The following SLC38A6 variants were observed in gnomAD, a reference collection of about 807,000 sequenced individuals.
The protein encoded by SLC38A6 is N system amino acid transporter NAT-1.
In SLC38A6, 73 loss-of-function variants were observed where a neutral mutation model predicts 65.0. That is an observed-to-expected ratio of 1.12 (90% CI 0.93 to 1.37). SLC38A6 has a LOEUF of 1.37. Ranked by LOEUF, SLC38A6 falls within the 40% of genes most tolerant of loss-of-function variation. The probability of loss-of-function intolerance (pLI) is 0.00; values close to 1 mark genes in which losing one functional copy is unlikely to be tolerated. For synonymous variants in SLC38A6, 183 were observed against 178.8 expected (o/e 1.02, Z -0.19); for missense variants, 561 against 531.1 (o/e 1.06, Z -0.55).
At chr14:61,074,632 AG>A (rs1452024321) in intron 15 of SLC38A6, among the ~76,000 whole-genome samples, 1 of 152,102 alleles carries the variant, frequency 6.6e-6, no homozygotes, top group Non-Finnish European at 1.5e-5. Flanking sequence ...GAGGGGTTGG[AG>A]GAGACACAAT....
intron 3 of SLC38A6, among the ~76,000 whole-genome samples, chr14:61,009,021 G>C (rs555766182): frequency 6.6e-6 from 1 of 152,240 alleles, no homozygotes; most frequent in East Asian, 1.9e-4. Flanking sequence ...AATGTGCTAA[G>C]CTTTACCTAT....
At position 61,037,552 on chromosome 14, in the gene SLC38A6, G is replaced by A. The variant is rs967031939; in HGVS notation, c.566-73G>A. The A allele has an allele frequency of 3.9e-6, 4 of 1,036,070 alleles. No individual in the cohort carries two copies. In the African/African-American group the frequency reaches 6.5e-5, roughly 17 times the overall value. The allele number at this position is 1,036,070 out of a possible 1,614,324, so 64.2% of individuals were successfully genotyped here. A position where few individuals can be genotyped will look rare whatever the true frequency, so the allele number is the denominator to read the frequency against. On this transcript the variant is annotated intron_variant, in intron 7 of 15. Transcript: ENST00000267488. ...CCACTATAATAGAAAACATGCCTAA[G>A]ATGTATAGCTTTAGTTGTACGTTAA...
intron 15 of SLC38A6, among the ~76,000 whole-genome samples, chr14:61,072,271 A>G (rs912803116): frequency 5.3e-5 from 8 of 152,118 alleles, no homozygotes; most frequent in Non-Finnish European, 1.0e-4. Context: ...GTAGGTGTAT[A>G]TATTTATGGA....
chr14:61,072,544 C>T (rs1432490131), intron 15 of SLC38A6, among the ~76,000 whole-genome samples: 1 of 152,196 alleles, frequency 6.6e-6, no homozygotes, highest in African/African-American at 2.4e-5. Flanking sequence ...CCTTGTCAGC[C>T]TCTGGTAACC....
chr14:61,013,088 T>A (rs1315496197), intron 3 of SLC38A6, among the ~76,000 whole-genome samples: 3 of 152,194 alleles, frequency 2.0e-5, no homozygotes, highest in Non-Finnish European at 4.4e-5. Flanking sequence ...TGCATATATA[T>A]TTAGGATAGT....
rs563093308 is a variant in SLC38A6, at chr14:61,077,637, C to A, written c.1291-1173C>A. ...TCCTTGTCTTTGTCTAAAGATTTGT[C>A]ATTCATTTGCATTCAAATAAATTCT... On this transcript the variant is annotated intron_variant, in intron 15 of 16. Transcript: ENST00000354886. Among the ~76,000 whole-genome samples the A allele has an allele frequency of 5.1e-3, 781 of 152,170 alleles. 6 individuals are homozygous for A. Among genetic ancestry groups the A allele is most frequent in the South Asian group, 0.013 (61 of 4,824 alleles).
intron 5 of SLC38A6, among the ~76,000 whole-genome samples, chr14:61,025,465 A>G (rs2040554965): frequency 6.6e-6 from 1 of 152,178 alleles, no homozygotes; most frequent in Admixed American, 6.5e-5. Flanking sequence ...AGCTTTCTTG[A>G]GACTTGTCTA....
In SLC38A6 at chr14:61,083,472, G is replaced by A. The variant is rs1032028684; in HGVS notation, c.1409-83G>A. ...ACCTCAGAATGCAACTGTATTTGGAGATAGGGTCTTTAAAGAAGTAATTAA... is the reference window on the plus strand; with the variant it reads ...ACCTCAGAATGCAACTGTATTTGGAAATAGGGTCTTTAAAGAAGTAATTAA... On this transcript the variant is annotated intron_variant, in intron 16 of 16. Transcript: ENST00000354886. The A allele has an allele frequency of 2.7e-6, 4 of 1,489,476 alleles. No homozygotes were observed. In the Admixed American group the frequency reaches 7.1e-5, roughly 27 times the overall value. 92.3% of individuals were successfully genotyped at this position (1,489,476 alleles called of 1,614,324 possible). A position where few individuals can be genotyped will look rare whatever the true frequency, so the allele number is the denominator to read the frequency against.
At chr14:61,054,873 C>G (rs2042652665), downstream of SLC38A6, among the ~76,000 whole-genome samples, 1 of 152,124 alleles carries the variant, frequency 6.6e-6, no homozygotes, top group Non-Finnish European at 1.5e-5. Context: ...CCTGACTGCT[C>G]TGGCTAGGAT....
chr14:60,987,611 C>T (rs914254560), intron 3 of SLC38A6: 1 of 152,280 alleles, frequency 6.6e-6, no homozygotes. Flanking sequence ...CAAATGAGTG[C>T]TCCCTGGGGC....
chr14:61,037,123 G>A lies in SLC38A6; in HGVS notation c.547G>A (p.Ala183Thr), dbSNP rs139547861. ...ATGTGTTGGCATTGTGTTCCCTCTTGCACTTCTTCCCAAAATAGGTAAGTC... is the reference window on the plus strand; with the variant it reads ...ATGTGTTGGCATTGTGTTCCCTCTTACACTTCTTCCCAAAATAGGTAAGTC... ...IICVGIVFPLALLPKIGFLGY... is the reference protein window; with the variant it reads ...IICVGIVFPLTLLPKIGFLGY... The change falls in exon 7 of 16, where the codon GCA becomes ACA. Residue 183 changes from alanine to threonine, a missense_variant. Physicochemically the swap from Ala to Thr is moderately conservative, Grantham distance 58. Coordinates refer to ENST00000267488, the MANE Select transcript of SLC38A6 (RefSeq NM_153811.3). The A allele has an allele frequency of 2.1e-5, 33 of 1,604,642 alleles. No individual in the cohort carries two copies. In the African/African-American group the frequency reaches 2.1e-4, roughly 10 times the overall value.
chr14:61,007,111 G>A (rs2039189934), intron 3 of SLC38A6, among the ~76,000 whole-genome samples: 1 of 152,084 alleles, frequency 6.6e-6, no homozygotes, highest in Non-Finnish European at 1.5e-5. Flanking sequence ...CTCATAGGTG[G>A]GAATTGAACA....
rs1394180438 is a variant in SLC38A6, at chr14:60,982,498, G to T, written c.106-10G>T. 6.2e-7 allele frequency: 1 copy of T among 1,601,724 alleles called. No homozygotes were observed. The highest frequency in any genetic ancestry group is 1.1e-5 in the South Asian group (1 of 87,752). On this transcript the variant is annotated splice_polypyrimidine_tract_variant and intron_variant, in intron 1 of 15. Transcript: ENST00000267488. ...AAACATTTAACACTACTAAATTTGT[G>T]TGCTTACAGGAACTTCACAGACAGC...
intron 4 of SLC38A6, 82 bp downstream of exon 4, chr14:61,016,038 T>C (rs1040381458): frequency 4.9e-6 from 5 of 1,020,682 alleles, no homozygotes; most frequent in Non-Finnish European, 7.3e-6. Flanking sequence ...GACAAGTATA[T>C]ACAAGAGGAA....
intron 15 of SLC38A6, among the ~76,000 whole-genome samples, chr14:61,074,759 G>A (rs1231943506): frequency 1.6e-5 from 2 of 127,894 alleles, no homozygotes; most frequent in Non-Finnish European, 3.2e-5. Context: ...TTTCACAAAT[G>A]TTGTCCCTTT....
intron 15 of SLC38A6, among the ~76,000 whole-genome samples, chr14:61,061,761 C>G (rs983705797): frequency 3.2e-4 from 49 of 152,184 alleles, no homozygotes; most frequent in African/African-American, 1.2e-3. Context: ...GTTGAAAGAT[C>G]TCTTGGTTGC....
At chr14:60,997,294 G>C (rs1308348162) in intron 3 of SLC38A6, among the ~76,000 whole-genome samples, 1 of 152,134 alleles carries the variant, frequency 6.6e-6, no homozygotes, top group East Asian at 1.9e-4. Flanking sequence ...TGGGACTACA[G>C]GTGTGCACCA....
At chr14:61,080,511 A>G (rs1055178705) in intron 16 of SLC38A6, among the ~76,000 whole-genome samples, 2 of 152,176 alleles carry the variant, frequency 1.3e-5, no homozygotes, top group East Asian at 3.9e-4. Context: ...GTTCTTACCA[A>G]CTGCAGCTTC....
chr14:61,004,253 A>G (rs745383783), intron 3 of SLC38A6, among the ~76,000 whole-genome samples: 6 of 152,170 alleles, frequency 3.9e-5, no homozygotes, highest in Non-Finnish European at 8.8e-5. Context: ...TATACTATCT[A>G]TACTTCATTT....
Sources: gnomAD v4.1 joint callset for allele counts (sites outside exome capture counted in the v4.1 genomes callset) on GRCh38, gnomAD v4.1.1 for gene constraint, MANE v1.5 for transcripts, NCBI Gene and HGNC (gene_info 2026-07-23, HGNC 2026-07-21) for gene names.